Variants in FAM110B observed in about 807,000 individuals in gnomAD.
The protein encoded by FAM110B is protein FAM110B.
A neutral mutation model predicts 20.4 loss-of-function variants in FAM110B; 6 were observed. The observed-to-expected ratio is 0.29, with a 90% CI of 0.16 to 0.58. FAM110B has a LOEUF of 0.58. Among genes scored for constraint, FAM110B ranks in the 20% least tolerant of loss-of-function variants. FAM110B has a pLI of 0.90. For missense variants in FAM110B, 434 were observed against 498.2 expected, an observed-to-expected ratio of 0.87 and a Z score of 1.23; for synonymous variants, 226 against 214.1, an observed-to-expected ratio of 1.06 and a Z score of -0.49.
Position 58,146,222 on chromosome 8 carries a change from C to A in FAM110B, c.-9C>A. 6.3e-7 allele frequency: 1 copy of A among 1,582,780 alleles called. No individual in the cohort carries two copies. Among genetic ancestry groups the A allele is most frequent in the Non-Finnish European group, 8.6e-7 (1 of 1,161,336 alleles). On this transcript the variant is annotated 5_prime_UTR_variant, in exon 4 of 4. Transcript: ENST00000519262. ...ATCCAACACGGCTGCCGGGGAAAGA[C>A]CGCCCACCATGCCCACGGAGACCCT...
intron 1 of FAM110B, among the ~76,000 whole-genome samples, chr8:57,998,311 A>G (rs1356232582): frequency 6.6e-6 from 1 of 152,128 alleles, no homozygotes; most frequent in African/African-American, 2.4e-5. Flanking sequence ...AGAAGTAATA[A>G]AGAATGTTGG....
intron 1 of FAM110B, among the ~76,000 whole-genome samples, chr8:58,008,126 A>AT (rs71248160): frequency 0.4 from 46,927 of 115,908 alleles, 9,769 homozygotes; most frequent in East Asian, 0.52. Context: ...AAAAGCTTGC[A>AT]TTTTTTTTTT....
intron 2 of FAM110B, among the ~76,000 whole-genome samples, chr8:58,064,324 G>A (rs1229875417): frequency 6.6e-6 from 1 of 151,942 alleles, no homozygotes; most frequent in Middle Eastern, 3.4e-3. Context: ...TCATTTTTGG[G>A]GCATGTGATC....
chr8:58,131,372 C>G (rs142415406), intron 3 of FAM110B, among the ~76,000 whole-genome samples: 1 of 152,130 alleles, frequency 6.6e-6, no homozygotes, highest in Non-Finnish European at 1.5e-5. Flanking sequence ...TGCCTCACCT[C>G]CCCCGCAACC....
At chr8:58,101,378 A>G (rs1375042496) in intron 3 of FAM110B, among the ~76,000 whole-genome samples, 2 of 152,208 alleles carry the variant, frequency 1.3e-5, no homozygotes, top group African/African-American at 4.8e-5. Context: ...CTGATCATTC[A>G]TGTACTTGCA....
chr8:58,061,524 A>G (rs1392356600), intron 2 of FAM110B, among the ~76,000 whole-genome samples: 1 of 152,228 alleles, frequency 6.6e-6, no homozygotes, highest in Non-Finnish European at 1.5e-5. Flanking sequence ...GAAAGGGAGC[A>G]CAGACTTGGT....
At chr8:58,142,309 A>T (rs567948756) in intron 3 of FAM110B, among the ~76,000 whole-genome samples, 98 of 152,258 alleles carry the variant, frequency 6.4e-4, no homozygotes, top group African/African-American at 2.3e-3. Flanking sequence ...ATCACCTGGG[A>T]TCTGGTGAGA....
rs371050139 is a variant in FAM110B, at chr8:58,057,991, G to A, written c.-413-17544G>A. Among the ~76,000 whole-genome samples, 8 of 152,218 alleles carry A rather than the reference G, an allele frequency of 5.3e-5. No individual in the cohort carries two copies. In the East Asian group the frequency reaches 7.7e-4, roughly 15 times the overall value. On this transcript the variant is annotated intron_variant, in intron 2 of 3. Coordinates refer to ENST00000519262, the MANE Select transcript of FAM110B (RefSeq NM_001377989.1). ...TATGTAGTGTCACTGAGACCATTTT[G>A]CCCCTTGGGGCCGTGGGGAGAGGCT...
At chr8:58,100,023 C>T in intron 3 of FAM110B, among the ~76,000 whole-genome samples, 1 of 152,130 alleles carries the variant, frequency 6.6e-6, no homozygotes, top group East Asian at 1.9e-4. Context: ...TCCTCCCAAG[C>T]CATTTCTCAG....
At chr8:58,050,109 A>T (rs1226582398) in intron 2 of FAM110B, among the ~76,000 whole-genome samples, 1 of 152,188 alleles carries the variant, frequency 6.6e-6, no homozygotes, top group Non-Finnish European at 1.5e-5. Context: ...GGTGGTCTTT[A>T]AAATAGTCAT....
At chr8:58,027,816 A>G (rs1563501187) in intron 1 of FAM110B, among the ~76,000 whole-genome samples, 1 of 152,212 alleles carries the variant, frequency 6.6e-6, no homozygotes, top group Non-Finnish European at 1.5e-5. Context: ...TTCGTGTGGT[A>G]TACCACAAAT....
At chr8:58,023,849 C>A (rs917299953) in intron 1 of FAM110B, among the ~76,000 whole-genome samples, 2 of 152,122 alleles carry the variant, frequency 1.3e-5, no homozygotes, top group Non-Finnish European at 2.9e-5. Flanking sequence ...TATACTAAGC[C>A]GTGTCTGAGT....
In FAM110B at chr8:58,052,772, C is replaced by CTTT. The variant is rs71248165; in HGVS notation, c.-414+21098_-414+21100dup. On this transcript the variant is annotated intron_variant, in intron 2 of 3. Transcript: ENST00000519262. Reference sequence around the variant, plus strand: ...TAGAGTGTGGTGAGAGTGATGGACTCTTTTTTTTTTTTTTTTTTTTTTTTT... The same window carrying CTTT: ...TAGAGTGTGGTGAGAGTGATGGACTCTTTTTTTTTTTTTTTTTTTTTTTTTTTT... Among the ~76,000 whole-genome samples, 109 of 52,338 alleles carry CTTT rather than the reference C, an allele frequency of 2.1e-3. 9 individuals carry two copies. The highest frequency in any genetic ancestry group is 3.2e-3 in the Non-Finnish European group (93 of 29,146). The allele number at this position is 52,338 out of a possible 152,430, so 34.3% of individuals were successfully genotyped here.
At chr8:58,013,304 AAGG>A (rs1804576805) in intron 1 of FAM110B, among the ~76,000 whole-genome samples, 1 of 152,204 alleles carries the variant, frequency 6.6e-6, no homozygotes, top group South Asian at 2.1e-4. Flanking sequence ...AAGAGTATGA[AAGG>A]GGCAGCTTTG....
intron 2 of FAM110B, among the ~76,000 whole-genome samples, chr8:58,066,668 G>A (rs6471677): frequency 0.036 from 5,460 of 152,282 alleles, 321 homozygotes; most frequent in African/African-American, 0.12. Flanking sequence ...CACAGCCTGG[G>A]TACTCTTTTC....
At chr8:58,056,593 G>A (rs1429005174) in intron 2 of FAM110B, among the ~76,000 whole-genome samples, 1 of 152,166 alleles carries the variant, frequency 6.6e-6, no homozygotes, top group Non-Finnish European at 1.5e-5. Flanking sequence ...AAGATGACAT[G>A]TTTATGGCCA....
intron 3 of FAM110B, among the ~76,000 whole-genome samples, chr8:58,133,760 C>T (rs1327404980): frequency 6.6e-6 from 1 of 152,196 alleles, no homozygotes; most frequent in African/African-American, 2.4e-5. Flanking sequence ...TCCTCTCCCT[C>T]CTAAGGCAGT....
At chr8:58,137,555 G>T (rs186229179) in intron 3 of FAM110B, among the ~76,000 whole-genome samples, 13 of 151,526 alleles carry the variant, frequency 8.6e-5, no homozygotes, top group Non-Finnish European at 1.2e-4. Context: ...GTGAGCCTCC[G>T]TCTTAAAAAA....
chr8:58,115,449 A>T (rs962065731), intron 3 of FAM110B, among the ~76,000 whole-genome samples: 4 of 152,080 alleles, frequency 2.6e-5, no homozygotes, highest in Admixed American at 6.5e-5. Context: ...GCTGGAGTAC[A>T]GTGGCACAAT....
Sources: gnomAD v4.1 joint callset for allele counts (sites outside exome capture counted in the v4.1 genomes callset) on GRCh38, gnomAD v4.1.1 for gene constraint, MANE v1.5 for transcripts, NCBI Gene and HGNC (gene_info 2026-07-23, HGNC 2026-07-21) for gene names.